KCNIP4: variants seen among roughly 807,000 people sequenced by gnomAD.
KCNIP4 encodes the protein Kv channel-interacting protein 4.
Under a neutral mutation model 34.0 loss-of-function variants are expected in KCNIP4, and 12 were observed. That is an observed-to-expected ratio of 0.35 (90% confidence interval 0.23 to 0.57). The LOEUF is 0.57. KCNIP4 is among the 20% of genes least tolerant of loss of function. The probability of loss-of-function intolerance (pLI) is 0.83; values close to 1 mark genes in which losing one functional copy is unlikely to be tolerated. For missense variants in KCNIP4, 238 were observed against 311.7 expected (o/e 0.76, Z 1.78); for synonymous variants, 124 against 102.2 (o/e 1.21, Z -1.29).
intron 1 of KCNIP4, among the ~76,000 whole-genome samples, chr4:21,253,165 C>A (rs6448040): frequency 2.6e-5 from 4 of 152,082 alleles, no homozygotes; most frequent in East Asian, 1.9e-4. Context: ...ATAATTTCTA[C>A]GGCAATTTCT....
chr4:20,873,238 C>T (rs1382227518), intron 2 of KCNIP4, among the ~76,000 whole-genome samples: 2 of 152,128 alleles, frequency 1.3e-5, no homozygotes, highest in Non-Finnish European at 2.9e-5. Flanking sequence ...TTTGATGTGT[C>T]ATAATTGTTA....
At chr4:20,816,233 A>G (rs1230009136) in intron 3 of KCNIP4, among the ~76,000 whole-genome samples, 3 of 151,454 alleles carry the variant, frequency 2.0e-5, no homozygotes, top group Non-Finnish European at 2.9e-5. Context: ...CAGCCTGGGC[A>G]ACAGAGTAAG....
intron 1 of KCNIP4, among the ~76,000 whole-genome samples, chr4:20,990,188 G>A (rs1276629745): frequency 6.6e-6 from 1 of 152,096 alleles, no homozygotes; most frequent in Non-Finnish European, 1.5e-5. Context: ...ACCCGCAGGT[G>A]CCCTCTACTC....
At chr4:21,125,447 C>A (rs1438013292) in intron 1 of KCNIP4, among the ~76,000 whole-genome samples, 1 of 152,018 alleles carries the variant, frequency 6.6e-6, no homozygotes, top group East Asian at 1.9e-4. Context: ...GAACTCCTGA[C>A]CTCGTGATCT....
At chr4:21,264,176 A>AAGGTT (rs1761653485) in intron 1 of KCNIP4, among the ~76,000 whole-genome samples, 1 of 151,000 alleles carries the variant, frequency 6.6e-6, no homozygotes, top group African/African-American at 2.4e-5. Flanking sequence ...AATGGAGGCT[A>AAGGTT]AAGAGTTGTT....
intron 1 of KCNIP4, among the ~76,000 whole-genome samples, chr4:21,428,016 T>G (rs1726084475): frequency 6.6e-6 from 1 of 152,078 alleles, no homozygotes; most frequent in South Asian, 2.1e-4. Flanking sequence ...GCCGCAAGAA[T>G]GGAGGGTAAA....
intron 1 of KCNIP4, among the ~76,000 whole-genome samples, chr4:20,997,674 TG>T (rs1359456633): frequency 6.6e-6 from 1 of 152,164 alleles, no homozygotes; most frequent in Non-Finnish European, 1.5e-5. Context: ...TTCTTGACCA[TG>T]GCATCTACCC....
intron 1 of KCNIP4, among the ~76,000 whole-genome samples, chr4:21,084,879 A>C (rs2109027895): frequency 6.6e-6 from 1 of 151,876 alleles, no homozygotes; most frequent in Non-Finnish European, 1.5e-5. Context: ...ATGAATACAT[A>C]AAGAAAACAA....
chr4:21,382,150 T>C (rs1721566674), intron 1 of KCNIP4, among the ~76,000 whole-genome samples: 1 of 152,132 alleles, frequency 6.6e-6, no homozygotes, highest in Non-Finnish European at 1.5e-5. Flanking sequence ...TGCTGAAATA[T>C]GTAGTACTTG....
chr4:21,003,416 G>A lies in KCNIP4; in HGVS notation c.62-120707C>T, dbSNP rs1161381387. On this transcript the variant is annotated intron_variant, in intron 1 of 8. Coordinates refer to ENST00000382152, the MANE Select transcript of KCNIP4 (RefSeq NM_025221.6). ...ATTACTTTGAATACATTTAACACAC[G>A]TATTGATTTCATATAAAAGCCACTT... 5.3e-5 allele frequency among the ~76,000 whole-genome samples: 8 copies of A among 152,156 alleles called. No homozygotes were observed. In the South Asian group the frequency reaches 6.2e-4, roughly 12 times the overall value.
At chr4:21,287,475 C>A (rs1415271142) in intron 1 of KCNIP4, among the ~76,000 whole-genome samples, 16 of 152,292 alleles carry the variant, frequency 1.1e-4, no homozygotes, top group Admixed American at 7.8e-4. Flanking sequence ...AAACTGGGCA[C>A]TGCTCAAAGT....
In KCNIP4 at chr4:20,732,667, G is replaced by C. The variant is rs778133430; in HGVS notation, c.642+14C>G. 3 of 1,567,312 alleles carry C rather than the reference G, an allele frequency of 1.9e-6. No homozygotes were observed. The African/African-American group carries it at 4.1e-5, about 21-fold the overall frequency. On this transcript the variant is annotated intron_variant, in intron 7 of 8. Coordinates refer to ENST00000382152, the MANE Select transcript of KCNIP4 (RefSeq NM_025221.6). ...CTAACTTCATGCCCTCTTGACTTCT[G>C]TTTTAATTCCTACCTGAAAAAATGT...
rs74526274 is a variant in KCNIP4, at chr4:21,542,554, G to C, written c.61+406017C>G. Among the ~76,000 whole-genome samples, 43 of 151,884 alleles carry C rather than the reference G, an allele frequency of 2.8e-4. No individual in the cohort carries two copies. The East Asian group carries it at 7.1e-3, about 25-fold the overall frequency. On this transcript the variant is annotated intron_variant, in intron 1 of 8. Transcript: ENST00000382152. The stretch of plus-strand genomic sequence containing the variant: ...AATTACCTTTATTGATATTTATAAA[G>C]CAAGTTATTAAAGAAGTGTGGTAGA...
intron 1 of KCNIP4, among the ~76,000 whole-genome samples, chr4:21,918,829 T>C (rs1289713518): frequency 6.6e-6 from 1 of 152,104 alleles, no homozygotes; most frequent in Non-Finnish European, 1.5e-5. Flanking sequence ...ATTAAGTATG[T>C]GAGGAAAACG....
At chr4:21,624,821 C>T (rs1322865307) in intron 1 of KCNIP4, among the ~76,000 whole-genome samples, 1 of 152,112 alleles carries the variant, frequency 6.6e-6, no homozygotes, top group Non-Finnish European at 1.5e-5. Context: ...CTTAGCTTCT[C>T]CCCCACTTAT....
Position 21,108,520 on chromosome 4 carries a change from T to G in KCNIP4, c.62-225811A>C, listed in dbSNP as rs573021649. Among the ~76,000 whole-genome samples the G allele has an allele frequency of 3.0e-3, 456 of 151,728 alleles. 12 individuals carry two copies. The highest frequency in any genetic ancestry group is 0.011 in the African/African-American group (443 of 41,018). On this transcript the variant is annotated intron_variant, in intron 1 of 8. Coordinates refer to ENST00000382152, the MANE Select transcript of KCNIP4 (RefSeq NM_025221.6). ...TCGTCTAAATTTTTTTCAAAGTTTT[T>G]AACTTCTTTGCCTTTGGTTTGAATT...
intron 1 of KCNIP4, among the ~76,000 whole-genome samples, chr4:21,586,631 C>T (rs181180152): frequency 1.8e-3 from 273 of 152,182 alleles, no homozygotes; most frequent in Non-Finnish European, 3.1e-3. Flanking sequence ...TTATTGAAGA[C>T]TCTTGACAAA....
intron 1 of KCNIP4, among the ~76,000 whole-genome samples, chr4:21,165,849 G>A (rs148662019): frequency 6.6e-6 from 1 of 152,186 alleles, no homozygotes; most frequent in South Asian, 2.1e-4. Context: ...AAGAGGTGCG[G>A]CCTTTAAGAG....
intron 1 of KCNIP4, among the ~76,000 whole-genome samples, chr4:21,879,441 G>A (rs1359323340): frequency 6.6e-6 from 1 of 152,230 alleles, no homozygotes; most frequent in Non-Finnish European, 1.5e-5. Flanking sequence ...GACCAGCATG[G>A]CTGCCCCCTT....
Sources: gnomAD v4.1 joint callset for allele counts (sites outside exome capture counted in the v4.1 genomes callset) on GRCh38, gnomAD v4.1.1 for gene constraint, MANE v1.5 for transcripts, NCBI Gene and HGNC (gene_info 2026-07-23, HGNC 2026-07-21) for gene names.